The following DCC variants were observed in gnomAD, a reference collection of about 807,000 sequenced individuals.
The protein encoded by DCC is netrin receptor DCC.
Under a neutral mutation model 172.5 loss-of-function variants are expected in DCC, and 58 were observed. That is an observed-to-expected ratio of 0.34 (90% CI 0.27 to 0.42). DCC has a LOEUF of 0.42. Ranked by LOEUF, DCC falls within the 10% of genes least tolerant of loss-of-function variation. The pLI is 1.00. For missense variants in DCC, 1,740 were observed against 1,791.0 expected (o/e 0.97, Z 0.51); for synonymous variants, 709 against 644.5 (o/e 1.10, Z -1.52).
chr18:52,904,542 G>A (rs2039853791), intron 2 of DCC, among the ~76,000 whole-genome samples: 2 of 152,104 alleles, frequency 1.3e-5, no homozygotes, highest in African/African-American at 4.8e-5. Flanking sequence ...GGGAAAATTA[G>A]GATCATGAAA....
At chr18:53,087,717 A>C (rs972742410) in intron 7 of DCC, among the ~76,000 whole-genome samples, 3 of 152,030 alleles carry the variant, frequency 2.0e-5, no homozygotes, top group African/African-American at 7.2e-5. Flanking sequence ...GTTTTCTTCT[A>C]GGGTTTTTAT....
At position 52,964,403 on chromosome 18, in the gene DCC, G is replaced by A. The variant is rs141161622; in HGVS notation, c.985+39033G>A. Among the ~76,000 whole-genome samples the A allele has an allele frequency of 5.1e-3, 771 of 152,162 alleles. 4 individuals are homozygous for A. Among genetic ancestry groups the A allele is most frequent in the African/African-American group, 0.017 (718 of 41,518 alleles). ...TATAAATTCCAAAGGAAAAGATAAG[G>A]CATTTTTATTAATTCATCCATGAGG... On this transcript the variant is annotated intron_variant, in intron 5 of 28. Transcript: ENST00000442544.
At chr18:53,403,318 A>C (rs190601883) in intron 19 of DCC, among the ~76,000 whole-genome samples, 4 of 152,192 alleles carry the variant, frequency 2.6e-5, no homozygotes, top group Non-Finnish European at 1.5e-5. Flanking sequence ...TGTATGGCAC[A>C]TACGGAGGTT....
chr18:52,702,465 C>G (rs1340380003), intron 1 of DCC, among the ~76,000 whole-genome samples: 1 of 152,154 alleles, frequency 6.6e-6, no homozygotes, highest in Middle Eastern at 3.2e-3. Flanking sequence ...CTTATACAAC[C>G]CAGTTTTCTC....
rs182658359 is a variant in DCC, at chr18:52,599,901, G to A, written c.92-152153G>A. On this transcript the variant is annotated intron_variant, in intron 1 of 28. Transcript: ENST00000442544. Reference sequence around the variant, plus strand: ...AATGACTGCCTTTGTGTTGCGTGCTGTTATCGCCCCTGTTCTAACCATTGT... The same window carrying A: ...AATGACTGCCTTTGTGTTGCGTGCTATTATCGCCCCTGTTCTAACCATTGT... Among the ~76,000 whole-genome samples, 1,428 of 152,200 alleles carry A rather than the reference G, an allele frequency of 9.4e-3. 12 individuals carry two copies. The highest frequency in any genetic ancestry group is 0.014 in the Non-Finnish European group (962 of 68,010).
At chr18:52,864,871 T>A (rs919786647) in intron 2 of DCC, among the ~76,000 whole-genome samples, 3 of 146,722 alleles carry the variant, frequency 2.0e-5, no homozygotes, top group South Asian at 2.2e-4. Context: ...CCTTTTTTTA[T>A]TTTATTTTTA....
chr18:52,738,903 A>T (rs1475226029), intron 1 of DCC, among the ~76,000 whole-genome samples: 3 of 7,178 alleles, frequency 4.2e-4, no homozygotes, highest in Admixed American at 0.011. Flanking sequence ...GGCTATTTAA[A>T]AAAAAAAAAA....
At chr18:53,357,212 T>C (rs1191904553) in intron 15 of DCC, among the ~76,000 whole-genome samples, 1 of 152,202 alleles carries the variant, frequency 6.6e-6, no homozygotes, top group East Asian at 1.9e-4. Flanking sequence ...TTTCCTGATT[T>C]CTGCCACAAA....
At chr18:52,998,492 T>G (rs192053567) in intron 5 of DCC, among the ~76,000 whole-genome samples, 35 of 152,170 alleles carry the variant, frequency 2.3e-4, no homozygotes, top group Admixed American at 2.2e-3. Context: ...ACAGGCTTCT[T>G]TTTAGATATT....
intron 2 of DCC, among the ~76,000 whole-genome samples, chr18:52,754,744 T>A (rs761638759): frequency 4.3e-4 from 66 of 152,236 alleles, no homozygotes; most frequent in Non-Finnish European, 7.3e-4. Context: ...GCCATTCTGC[T>A]TTTCTTTGGA....
intron 1 of DCC, among the ~76,000 whole-genome samples, chr18:52,718,905 T>A (rs1462649538): frequency 6.6e-6 from 1 of 152,174 alleles, no homozygotes; most frequent in Non-Finnish European, 1.5e-5. Flanking sequence ...ATTTCACAAA[T>A]TGGATGGCTT....
intron 2 of DCC, among the ~76,000 whole-genome samples, chr18:52,797,685 A>G (rs1403369678): frequency 6.6e-6 from 1 of 152,192 alleles, no homozygotes; most frequent in African/African-American, 2.4e-5. Flanking sequence ...TGGTGTGTGC[A>G]GGCACCAGCA....
intron 2 of DCC, among the ~76,000 whole-genome samples, chr18:52,761,925 AG>A (rs1439072740): frequency 3.4e-4 from 41 of 119,080 alleles, no homozygotes; most frequent in African/African-American, 6.1e-4. Context: ...AAAAAAAAAA[AG>A]AAAAAAAAAA....
At chr18:52,874,095 A>T (rs569438485) in intron 2 of DCC, among the ~76,000 whole-genome samples, 2 of 152,262 alleles carry the variant, frequency 1.3e-5, no homozygotes, top group Admixed American at 6.6e-5. Context: ...TGAGAGATGA[A>T]GTTAAATTCC....
intron 1 of DCC, among the ~76,000 whole-genome samples, chr18:52,483,543 A>G (rs928969316): frequency 4.6e-5 from 7 of 152,060 alleles, no homozygotes; most frequent in African/African-American, 1.7e-4. Context: ...TGTAAATCAT[A>G]CTTCTTGAAC....
At chr18:53,243,597 T>C (rs1469069966) in intron 12 of DCC, among the ~76,000 whole-genome samples, 1 of 152,116 alleles carries the variant, frequency 6.6e-6, no homozygotes, top group Non-Finnish European at 1.5e-5. Context: ...CAGAGTGCTC[T>C]CTGGGAAGAA....
At chr18:52,422,878 C>G (rs1987296752) in intron 1 of DCC, among the ~76,000 whole-genome samples, 1 of 152,148 alleles carries the variant, frequency 6.6e-6, no homozygotes, top group Admixed American at 6.5e-5. Flanking sequence ...CTTTTCTGGA[C>G]TAGTCTGTCT....
intron 15 of DCC, among the ~76,000 whole-genome samples, chr18:53,360,528 C>A (rs1035801453): frequency 1.3e-5 from 2 of 151,998 alleles, no homozygotes; most frequent in Admixed American, 1.3e-4. Context: ...CATTTACTGT[C>A]TCATTGAAAT....
chr18:52,693,877 C>T (rs559482369), intron 1 of DCC, among the ~76,000 whole-genome samples: 19 of 152,150 alleles, frequency 1.2e-4, no homozygotes, highest in Admixed American at 1.0e-3. Context: ...CTGATATAAA[C>T]AATTGAATAA....
Sources: gnomAD v4.1 joint callset for allele counts (sites outside exome capture counted in the v4.1 genomes callset) on GRCh38, gnomAD v4.1.1 for gene constraint, MANE v1.5 for transcripts, NCBI Gene and HGNC (gene_info 2026-07-23, HGNC 2026-07-21) for gene names.